BBX: variants seen among roughly 807,000 people sequenced by gnomAD.
The protein encoded by BBX is HMG box transcription factor BBX.
BBX carries 30 observed loss-of-function variants against 100.2 expected under a neutral mutation model. The observed-to-expected ratio is 0.30, with a 90% CI of 0.22 to 0.41. The LOEUF (loss-of-function observed/expected upper bound fraction) is 0.41, where lower values mean the gene tolerates loss of function less well. BBX is among the 10% of genes least tolerant of loss of function. The probability of loss-of-function intolerance (pLI) is 1.00; values close to 1 mark genes in which losing one functional copy is unlikely to be tolerated. For missense variants in BBX, 1,023 were observed against 1,129.8 expected (o/e 0.91, Z 1.35); for synonymous variants, 376 against 388.1 (o/e 0.97, Z 0.37).
At chr3:107,571,772 T>G (rs1240025895) in intron 2 of BBX, among the ~76,000 whole-genome samples, 3 of 152,226 alleles carry the variant, frequency 2.0e-5, no homozygotes, top group Non-Finnish European at 2.9e-5. Context: ...CAAGGCTGTT[T>G]ATTTCACCTG....
chr3:107,531,925 A>G (rs756867775), intron 2 of BBX, among the ~76,000 whole-genome samples: 1 of 152,156 alleles, frequency 6.6e-6, no homozygotes, highest in Admixed American at 6.6e-5. Context: ...TCTTCCGTCA[A>G]GACACATGTG....
At chr3:107,546,172 C>G (rs1159985051) in intron 2 of BBX, among the ~76,000 whole-genome samples, 3 of 152,220 alleles carry the variant, frequency 2.0e-5, no homozygotes, top group Non-Finnish European at 2.9e-5. Context: ...AATCAGCACA[C>G]TCTTCTGTGC....
In BBX at chr3:107,710,478, A is replaced by G; in HGVS notation, c.18A>G (p.Arg6=). MKGSN[R]NKDHSAEGEG... The stretch of plus-strand genomic sequence containing the variant: ...TCACAGTAATGAAAGGCAGTAATAG[A>G]AATAAGGATCATTCAGCAGAAGGAG... The change falls in exon 4 of 18, where the codon AGA becomes AGG. Residue 6 remains arginine (R), a synonymous_variant. Transcript: ENST00000325805. 1 of 1,613,434 alleles carries G rather than the reference A, an allele frequency of 6.2e-7. No individual in the cohort carries two copies. Among genetic ancestry groups the G allele is most frequent in the Non-Finnish European group, 8.5e-7 (1 of 1,179,608 alleles).
intron 2 of BBX, among the ~76,000 whole-genome samples, chr3:107,613,941 G>GTTTTTTTTTTTT (rs533672871): frequency 1.2e-5 from 1 of 86,544 alleles, no homozygotes; most frequent in Non-Finnish European, 2.4e-5. Flanking sequence ...ACATACCATG[G>GTTTTTTTTTTTT]TTTTTTTTTT....
chr3:107,685,518 C>A (rs2059795659), intron 3 of BBX, among the ~76,000 whole-genome samples: 1 of 152,194 alleles, frequency 6.6e-6, no homozygotes. Context: ...TCCTTCTCAG[C>A]CTTCATTTTT....
At chr3:107,639,843 AT>A (rs1378172664) in intron 2 of BBX, among the ~76,000 whole-genome samples, 1 of 152,212 alleles carries the variant, frequency 6.6e-6, no homozygotes. Context: ...AATTAAACAT[AT>A]ATGAAAGCCA....
intron 13 of BBX, among the ~76,000 whole-genome samples, chr3:107,783,770 T>C (rs1221516425): frequency 6.6e-6 from 1 of 152,106 alleles, no homozygotes; most frequent in African/African-American, 2.4e-5. Flanking sequence ...TAGTGTAGTA[T>C]GTACATGTGA....
At chr3:107,587,942 A>G (rs2052988680) in intron 2 of BBX, among the ~76,000 whole-genome samples, 1 of 152,228 alleles carries the variant, frequency 6.6e-6, no homozygotes, top group Admixed American at 6.5e-5. Context: ...TACCTTTAGT[A>G]ATTCACAGTT....
intron 2 of BBX, among the ~76,000 whole-genome samples, chr3:107,565,731 A>G (rs938188681): frequency 4.6e-5 from 7 of 151,434 alleles, no homozygotes; most frequent in South Asian, 2.1e-4. Context: ...TGCTCGGATT[A>G]CAGGCATGAG....
At chr3:107,764,741 T>C (rs2066234210) in intron 10 of BBX, among the ~76,000 whole-genome samples, 1 of 152,262 alleles carries the variant, frequency 6.6e-6, no homozygotes, top group Admixed American at 6.5e-5. Flanking sequence ...GCCTGATTAA[T>C]AACTCACAGT....
In BBX at chr3:107,747,870, T is replaced by G. The variant is rs1014844768; in HGVS notation, c.751-95T>G. The G allele has an allele frequency of 2.1e-5, 21 of 986,498 alleles. No homozygotes were observed. In the African/African-American group the frequency reaches 3.5e-4, roughly 16 times the overall value. 61.1% of individuals were successfully genotyped at this position (986,498 alleles called of 1,614,324 possible). On this transcript the variant is annotated intron_variant, in intron 8 of 17. Transcript: ENST00000325805. Reference sequence around the variant, plus strand: ...AGGGTAATGACTCATTTTTAAATCTTTATCAGTGTCTACAGTTGAAAATAT... The same window carrying G: ...AGGGTAATGACTCATTTTTAAATCTGTATCAGTGTCTACAGTTGAAAATAT...
rs560861953 is a variant in BBX, at chr3:107,590,616, T to C, written c.-83-55220T>C. Among the ~76,000 whole-genome samples the C allele has an allele frequency of 2.6e-5, 4 of 152,334 alleles. No individual in the cohort carries two copies. The South Asian group carries it at 8.3e-4, about 32-fold the overall frequency. The stretch of plus-strand genomic sequence containing the variant: ...TGAGTGAGAACTATACACATCTATC[T>C]TACATTCGTTTTCTGAGTCTCCACT... On this transcript the variant is annotated intron_variant, in intron 2 of 17. Coordinates refer to ENST00000325805, the MANE Select transcript of BBX (RefSeq NM_001142568.3).
intron 3 of BBX, among the ~76,000 whole-genome samples, chr3:107,709,615 A>G (rs1159473168): frequency 2.0e-5 from 3 of 152,246 alleles, no homozygotes. Flanking sequence ...GAGTGAATGA[A>G]TGAATGAGAA....
chr3:107,748,406 A>G (rs1372907675), intron 9 of BBX, among the ~76,000 whole-genome samples: 1 of 152,198 alleles, frequency 6.6e-6, no homozygotes, highest in Admixed American at 6.5e-5. Flanking sequence ...AGATGCTATA[A>G]TTCATGAATG....
At chr3:107,785,725 A>G (rs1209726782) in intron 13 of BBX, among the ~76,000 whole-genome samples, 2 of 152,042 alleles carry the variant, frequency 1.3e-5, no homozygotes, top group Non-Finnish European at 2.9e-5. Flanking sequence ...CTAACATGAT[A>G]CTTAATGGTA....
Position 107,716,718 on chromosome 3 carries a change from A to C in BBX, c.274A>C (p.Lys92Gln), listed in dbSNP as rs1285434646. ...RPMNAFLLFC[K>Q]RHRSLVRQEH... Reference sequence around the variant, plus strand: ...AATGAATGCATTTCTTTTATTTTGCAAACGCCATCGCTCTCTTGTACGTCA... The same window carrying C: ...AATGAATGCATTTCTTTTATTTTGCCAACGCCATCGCTCTCTTGTACGTCA... The change falls in exon 5 of 18, where the codon AAA (lysine) becomes CAA (glutamine). Residue 92 changes from lysine to glutamine, a missense_variant. By Grantham distance (53) the Lys-to-Gln change is moderately conservative (BLOSUM62 1). Around this residue, in one of 9 missense-constraint regions of BBX, gnomAD observed 229 missense variants for 226.3 expected, o/e 1.01. Coordinates refer to ENST00000325805, the MANE Select transcript of BBX (RefSeq NM_001142568.3). 6.2e-7 allele frequency: 1 copy of C among 1,613,722 alleles called. No homozygotes were observed. The highest frequency in any genetic ancestry group is 1.3e-5 in the African/African-American group (1 of 74,892).
chr3:107,588,810 C>T (rs2053061723), intron 2 of BBX, among the ~76,000 whole-genome samples: 2 of 151,902 alleles, frequency 1.3e-5, no homozygotes. Context: ...TCTTTATTTG[C>T]CAGGGTTATA....
chr3:107,779,835 T>A (rs2067688332), intron 13 of BBX, among the ~76,000 whole-genome samples: 3 of 152,044 alleles, frequency 2.0e-5, no homozygotes, highest in Admixed American at 2.0e-4. Context: ...CAATTTGAGA[T>A]CTGTATCTCA....
chr3:107,652,568 A>T (rs1359256185), intron 3 of BBX, among the ~76,000 whole-genome samples: 1 of 152,208 alleles, frequency 6.6e-6, no homozygotes, highest in Non-Finnish European at 1.5e-5. Context: ...TCTTAACATT[A>T]AGATCAATCT....
Sources: gnomAD v4.1 joint callset for allele counts (sites outside exome capture counted in the v4.1 genomes callset) on GRCh38, gnomAD v4.1.1 for gene constraint, gnomAD v4.1.1 regional missense constraint, MANE v1.5 for transcripts, NCBI Gene and HGNC (gene_info 2026-07-23, HGNC 2026-07-21) for gene names.